The following OR6N1 variants were observed in gnomAD, a reference collection of about 807,000 sequenced individuals.
The protein encoded by OR6N1 is olfactory receptor family 6 subfamily N member 1, also known as olfactory receptor 6N1.
For missense variants in OR6N1, 394 were observed against 371.7 expected (o/e 1.06, Z -0.49); for synonymous variants, 170 against 150.7 (o/e 1.13, Z -0.94).
At chr1:158,827,131 A>G in the OR6N1 span, among the ~76,000 whole-genome samples, 1 of 152,160 alleles carries the variant, frequency 6.6e-6, no homozygotes, top group East Asian at 1.9e-4. Context: ...GTTTGGGGAG[A>G]GAAGAGGGAT....
In OR6N1 at chr1:158,765,864, G is replaced by A; in HGVS notation, c.819C>T (p.Ala273=). 6.2e-7 allele frequency: 1 copy of A among 1,614,052 alleles called. No homozygotes were observed. Among genetic ancestry groups the A allele is most frequent in the Non-Finnish European group, 8.5e-7 (1 of 1,179,960 alleles). Residue 273 remains alanine, a synonymous_variant, in exon 2 of 2, where the codon GCC becomes GCT. Coordinates refer to ENST00000641846, the MANE Select transcript of OR6N1 (RefSeq NM_001005185.2). ...TGAGCACTGAGTAGACCACTGCCAG[G>A]GCCTGGTCATAGTCCAGTGAGTAGC... ...KKSYSLDYDQ[A]LAVVYSVLTP... is the part of the protein sequence containing the mutation.
At chr1:158,815,960 C>A in the OR6N1 span, among the ~76,000 whole-genome samples, 4 of 151,822 alleles carry the variant, frequency 2.6e-5, no homozygotes, top group African/African-American at 9.7e-5. Context: ...TCGAGACCAT[C>A]CTGGCTAACA....
chr1:158,836,058 T>C, the OR6N1 span, among the ~76,000 whole-genome samples: 1 of 152,046 alleles, frequency 6.6e-6, no homozygotes. Context: ...TGAGCCATCA[T>C]TGCATTCCAG....
chr1:158,833,368 T>G, the OR6N1 span, among the ~76,000 whole-genome samples: 1 of 152,232 alleles, frequency 6.6e-6, no homozygotes, highest in African/African-American at 2.4e-5. Flanking sequence ...CTTAATCAGC[T>G]TCAAGTGTAC....
chr1:158,765,192 A>G lies in OR6N1; in HGVS notation c.*552T>C, dbSNP rs1657214269. Reference sequence around the variant, plus strand: ...GAAAATACCATTATCAAATAATGAAATTAAGACTCAGAGATGCTAAGTTAC... The same window carrying G: ...GAAAATACCATTATCAAATAATGAAGTTAAGACTCAGAGATGCTAAGTTAC... On this transcript the variant is annotated 3_prime_UTR_variant, in exon 2 of 2. Transcript: ENST00000641846. 6.6e-6 allele frequency: 1 copy of G among 152,260 alleles called. No homozygotes were observed. Among genetic ancestry groups the G allele is most frequent in the Non-Finnish European group, 1.5e-5 (1 of 68,058 alleles). The allele number at this position is 152,260 out of a possible 1,614,324, so 9.4% of individuals were successfully genotyped here.
chr1:158,774,029 T>C (rs553281458), upstream of OR6N1, among the ~76,000 whole-genome samples: 1 of 152,324 alleles, frequency 6.6e-6, no homozygotes, highest in East Asian at 1.9e-4. Context: ...ACAGAATTTC[T>C]AATAAGTTGT....
intron 1 of OR6N1, among the ~76,000 whole-genome samples, chr1:158,768,570 G>A (rs1657336815): frequency 6.7e-6 from 1 of 149,212 alleles, no homozygotes; most frequent in Non-Finnish European, 1.5e-5. Flanking sequence ...TTCACTTGTA[G>A]CCTCATCTCA....
the OR6N1 span, among the ~76,000 whole-genome samples, chr1:158,793,243 A>T: frequency 6.6e-6 from 1 of 151,926 alleles, no homozygotes; most frequent in South Asian, 2.1e-4. Flanking sequence ...GTAACTTAAT[A>T]ATCAACCTTT....
At chr1:158,786,030 T>C in the OR6N1 span, among the ~76,000 whole-genome samples, 4 of 152,014 alleles carry the variant, frequency 2.6e-5, no homozygotes, top group Non-Finnish European at 5.9e-5. Context: ...AACTAAAAGG[T>C]TCTGCACAGC....
chr1:158,769,443 C>T (rs114194062), intron 1 of OR6N1, among the ~76,000 whole-genome samples: 3,602 of 152,212 alleles, frequency 0.024, 149 homozygotes, highest in African/African-American at 0.081. Context: ...GGATTACAGG[C>T]ATAAGTCACC....
chr1:158,837,199 ATC>A, the OR6N1 span, among the ~76,000 whole-genome samples: 5 of 151,884 alleles, frequency 3.3e-5, no homozygotes, highest in Non-Finnish European at 7.4e-5. Context: ...TTTTGGATAT[ATC>A]TGTTAGATAT....
the OR6N1 span, among the ~76,000 whole-genome samples, chr1:158,817,371 G>A: frequency 3.3e-5 from 5 of 152,172 alleles, no homozygotes; most frequent in Admixed American, 1.3e-4. Flanking sequence ...AAATGAGAAC[G>A]TTGAACTAAA....
chr1:158,811,507 A>G, the OR6N1 span, among the ~76,000 whole-genome samples: 6 of 152,194 alleles, frequency 3.9e-5, no homozygotes, highest in Non-Finnish European at 7.4e-5. Flanking sequence ...TATCAGCATC[A>G]TTTTCATAAA....
At chr1:158,821,516 C>G in the OR6N1 span, among the ~76,000 whole-genome samples, 1 of 152,134 alleles carries the variant, frequency 6.6e-6, no homozygotes, top group African/African-American at 2.4e-5. Context: ...TTTATTCTTT[C>G]TATACTTTTG....
chr1:158,810,277 A>G, the OR6N1 span, among the ~76,000 whole-genome samples: 1 of 151,622 alleles, frequency 6.6e-6, no homozygotes, highest in Non-Finnish European at 1.5e-5. Context: ...TTCTTTGGCT[A>G]CTCTCATCTT....
the OR6N1 span, among the ~76,000 whole-genome samples, chr1:158,827,799 G>C: frequency 6.6e-6 from 1 of 152,148 alleles, no homozygotes; most frequent in African/African-American, 2.4e-5. Flanking sequence ...TTCTAAAAAA[G>C]GGCATGTATT....
the OR6N1 span, among the ~76,000 whole-genome samples, chr1:158,838,157 T>C: frequency 0.17 from 26,469 of 151,978 alleles, 2,537 homozygotes; most frequent in Admixed American, 0.26. Context: ...CATGTTTATG[T>C]ATATACTTAC....
In OR6N1 at chr1:158,770,308, T is replaced by C. The variant is rs374138726; in HGVS notation, c.-19+1713A>G. Among the ~76,000 whole-genome samples the C allele has an allele frequency of 3.3e-5, 5 of 152,166 alleles. No individual in the cohort carries two copies. In the East Asian group the frequency reaches 9.6e-4, roughly 29 times the overall value. ...CTCCCTCCATACTCTGCCTAAGCAA[T>C]CAAAGTCATCAGGATCCGATCAAGT... On this transcript the variant is annotated intron_variant, in intron 1 of 1. Transcript: ENST00000641846.
At chr1:158,802,424 G>T in the OR6N1 span, among the ~76,000 whole-genome samples, 1 of 151,850 alleles carries the variant, frequency 6.6e-6, no homozygotes, top group African/African-American at 2.4e-5. Flanking sequence ...TAGCCAAGAT[G>T]GTCTCGCTCT....
Sources: allele counts gnomAD v4.1 joint callset (sites outside exome capture counted in the v4.1 genomes callset), GRCh38; gene constraint gnomAD v4.1.1; transcripts MANE v1.5; gene names NCBI Gene and HGNC (gene_info 2026-07-23, HGNC 2026-07-21).